The following SLC24A3 variants were observed in gnomAD, a reference collection of about 807,000 sequenced individuals.
The protein encoded by SLC24A3 is solute carrier family 24 member 3, also known as sodium/potassium/calcium exchanger 3.
In SLC24A3, 28 loss-of-function variants were observed where a neutral mutation model predicts 75.8. That is an observed-to-expected ratio of 0.37 (90% CI 0.27 to 0.51). The LOEUF (loss-of-function observed/expected upper bound fraction) is 0.51. SLC24A3 is among the 20% of genes least tolerant of loss of function. The pLI is 0.94. For missense variants in SLC24A3, 663 were observed against 847.8 expected (o/e 0.78, Z 2.71); for synonymous variants, 372 against 334.1 (o/e 1.11, Z -1.24).
chr20:19,536,075 G>C (rs142046465), intron 3 of SLC24A3, among the ~76,000 whole-genome samples: 3 of 152,228 alleles, frequency 2.0e-5, no homozygotes, highest in East Asian at 3.9e-4. Context: ...AGTTTCCAAC[G>C]CATGAACTTT....
At chr20:19,665,793 G>A (rs112170161) in intron 7 of SLC24A3, 71 bp from the exon 8 acceptor site, 10,072 of 50,794 alleles carry the variant, frequency 0.2, 24 homozygotes, top group Non-Finnish European at 0.24. Flanking sequence ...GCCTTAAAGC[G>A]TGTGTGTGTG....
intron 6 of SLC24A3, among the ~76,000 whole-genome samples, chr20:19,650,653 A>C (rs932099354): frequency 6.6e-6 from 1 of 151,670 alleles, no homozygotes; most frequent in Non-Finnish European, 1.5e-5. Flanking sequence ...CCTTCTCACT[A>C]CCCAGCCCCC....
intron 2 of SLC24A3, among the ~76,000 whole-genome samples, chr20:19,372,988 G>T (rs1986017044): frequency 6.6e-6 from 1 of 152,008 alleles, no homozygotes; most frequent in Non-Finnish European, 1.5e-5. Context: ...GAAATGAATT[G>T]CACAGAAAGA....
At chr20:19,641,057 G>C (rs1041947766) in intron 6 of SLC24A3, among the ~76,000 whole-genome samples, 6 of 152,164 alleles carry the variant, frequency 3.9e-5, no homozygotes, top group African/African-American at 1.2e-4. Flanking sequence ...GATTTTACCA[G>C]TCTTGTGCAT....
intron 2 of SLC24A3, among the ~76,000 whole-genome samples, chr20:19,432,796 C>T (rs6046090): frequency 0.027 from 4,108 of 152,234 alleles, 157 homozygotes; most frequent in East Asian, 0.1. Context: ...GTGCTGTAAA[C>T]TGTGAAAAGT....
chr20:19,511,036 G>A (rs957997374), intron 2 of SLC24A3, among the ~76,000 whole-genome samples: 1 of 152,180 alleles, frequency 6.6e-6, no homozygotes, highest in East Asian at 1.9e-4. Context: ...ACAGGCAGGC[G>A]TCAGTGGACG....
At chr20:19,654,385 C>T (rs1223820256) in intron 7 of SLC24A3, among the ~76,000 whole-genome samples, 1 of 152,122 alleles carries the variant, frequency 6.6e-6, no homozygotes, top group Non-Finnish European at 1.5e-5. Flanking sequence ...GGCTGTTCTC[C>T]TGAGACCCTC....
intron 2 of SLC24A3, among the ~76,000 whole-genome samples, chr20:19,305,277 G>A (rs1470601602): frequency 6.6e-6 from 1 of 152,090 alleles, no homozygotes; most frequent in East Asian, 1.9e-4. Context: ...GTGTAATTCT[G>A]AAAGCCATTT....
intron 6 of SLC24A3, among the ~76,000 whole-genome samples, chr20:19,626,803 A>C (rs903310915): frequency 6.6e-6 from 1 of 152,188 alleles, no homozygotes; most frequent in Non-Finnish European, 1.5e-5. Context: ...CCCCAGTTCT[A>C]CTGAAAAGGC....
At chr20:19,408,791 G>A (rs1182558498) in intron 2 of SLC24A3, among the ~76,000 whole-genome samples, 3 of 152,076 alleles carry the variant, frequency 2.0e-5, no homozygotes, top group African/African-American at 7.2e-5. Flanking sequence ...CTGGTCAAAG[G>A]GTTATGGACA....
At chr20:19,636,118 C>T (rs112878873) in intron 6 of SLC24A3, among the ~76,000 whole-genome samples, 2,415 of 150,556 alleles carry the variant, frequency 0.016, 30 homozygotes, top group Admixed American at 0.023. Context: ...TCAGCCTGGG[C>T]GACAGAGCGA....
chr20:19,649,965 G>A (rs1281235267), intron 6 of SLC24A3, among the ~76,000 whole-genome samples: 1 of 152,218 alleles, frequency 6.6e-6, no homozygotes, highest in Non-Finnish European at 1.5e-5. Flanking sequence ...TTTGCAGGAA[G>A]GGTCAGATAA....
intron 2 of SLC24A3, among the ~76,000 whole-genome samples, chr20:19,293,500 A>G (rs531765793): frequency 2.6e-5 from 4 of 152,122 alleles, no homozygotes; most frequent in South Asian, 2.1e-4. Context: ...TACTAAAAAT[A>G]CAAAAATTAG....
At chr20:19,574,176 T>C (rs1184133988) in intron 3 of SLC24A3, among the ~76,000 whole-genome samples, 1 of 152,238 alleles carries the variant, frequency 6.6e-6, no homozygotes, top group African/African-American at 2.4e-5. Context: ...TGGTGGCCTC[T>C]GAATAGTGCA....
chr20:19,476,295 A>T (rs1987961196), intron 2 of SLC24A3, among the ~76,000 whole-genome samples: 1 of 152,230 alleles, frequency 6.6e-6, no homozygotes, highest in Admixed American at 6.5e-5. Flanking sequence ...GACTTGATGA[A>T]AAACAGAAGT....
chr20:19,426,709 C>T (rs1042608938), intron 2 of SLC24A3, among the ~76,000 whole-genome samples: 4 of 152,250 alleles, frequency 2.6e-5, no homozygotes, highest in Middle Eastern at 3.4e-3. Context: ...CACTCACTAC[C>T]GGCTGTACCA....
At chr20:19,222,668 A>C (rs1477198114) in intron 1 of SLC24A3, among the ~76,000 whole-genome samples, 5 of 152,182 alleles carry the variant, frequency 3.3e-5, no homozygotes, top group African/African-American at 9.7e-5. Context: ...GTAAGGAAGC[A>C]CTAAATAATT....
At chr20:19,698,234 T>A (rs1600346605) in intron 14 of SLC24A3, among the ~76,000 whole-genome samples, 1 of 152,114 alleles carries the variant, frequency 6.6e-6, no homozygotes, top group African/African-American at 2.4e-5. Context: ...TCCAATCACT[T>A]CCCGCCAAGC....
intron 15 of SLC24A3, among the ~76,000 whole-genome samples, chr20:19,701,368 A>G (rs2032870778): frequency 6.7e-6 from 1 of 148,648 alleles, no homozygotes; most frequent in Admixed American, 6.8e-5. Context: ...AAAAAAAAAC[A>G]TTAATTCAGC....
Sources: allele counts gnomAD v4.1 joint callset (sites outside exome capture counted in the v4.1 genomes callset), GRCh38; gene constraint gnomAD v4.1.1; transcripts MANE v1.5; gene names NCBI Gene and HGNC (gene_info 2026-07-23, HGNC 2026-07-21).